The following HCN1 variants were observed in gnomAD, a reference collection of about 807,000 sequenced individuals.
HCN1 encodes the protein hyperpolarization activated cyclic nucleotide gated potassium channel 1.
Under a neutral mutation model 78.9 loss-of-function variants are expected in HCN1, and 13 were observed. The observed-to-expected ratio is 0.16, with a 90% CI of 0.11 to 0.26. The LOEUF is 0.26. Ranked by LOEUF, HCN1 falls within the 10% of genes least tolerant of loss-of-function variation. HCN1 has a pLI of 1.00. For missense variants in HCN1, 810 were observed against 1,154.3 expected (o/e 0.70, Z 4.32); for synonymous variants, 552 against 455.5 (o/e 1.21, Z -2.70).
At chr5:45,481,356 C>G (rs1324216058) in intron 2 of HCN1, among the ~76,000 whole-genome samples, 1 of 152,150 alleles carries the variant, frequency 6.6e-6, no homozygotes, top group African/African-American at 2.4e-5. Flanking sequence ...TGGTTTCAAA[C>G]TAGATATGAA....
rs567361397 is a variant in HCN1 at position 45,291,134 on chromosome 5, C to A, written c.1618+12465G>T. Among the ~76,000 whole-genome samples the A allele has an allele frequency of 3.4e-4, 52 of 152,098 alleles. No individual in the cohort carries two copies. The South Asian group carries it at 0.011, about 31-fold the overall frequency. Reference sequence around the variant, plus strand: ...GACTTTGTTATCACCAATAGCTTAACTAATTCCAAAACCTCTATACAGATC... The same window carrying A: ...GACTTTGTTATCACCAATAGCTTAAATAATTCCAAAACCTCTATACAGATC... On this transcript the variant is annotated intron_variant, in intron 6 of 7. Coordinates refer to ENST00000303230, the MANE Select transcript of HCN1 (RefSeq NM_021072.4).
At chr5:45,372,279 A>G (rs866962898) in intron 4 of HCN1, among the ~76,000 whole-genome samples, 1 of 92,222 alleles carries the variant, frequency 1.1e-5, no homozygotes, top group Non-Finnish European at 1.9e-5. Flanking sequence ...ATTTATATAT[A>G]TAATATATAT....
intron 5 of HCN1, among the ~76,000 whole-genome samples, chr5:45,307,183 T>C (rs1375976855): frequency 6.6e-6 from 1 of 152,022 alleles, no homozygotes; most frequent in Non-Finnish European, 1.5e-5. Flanking sequence ...ATAAAATAAA[T>C]AACCAAGATC....
At chr5:45,646,171 A>C (rs948935870) in intron 1 of HCN1, among the ~76,000 whole-genome samples, 4 of 152,112 alleles carry the variant, frequency 2.6e-5, no homozygotes, top group African/African-American at 4.8e-5. Context: ...CAGTACTCCA[A>C]ATATTTTATG....
intron 2 of HCN1, among the ~76,000 whole-genome samples, chr5:45,583,623 G>A (rs1185513614): frequency 6.6e-6 from 1 of 152,110 alleles, no homozygotes; most frequent in Non-Finnish European, 1.5e-5. Flanking sequence ...ATGTTAGGGT[G>A]TCAATTTTGG....
intron 2 of HCN1, among the ~76,000 whole-genome samples, chr5:45,566,195 T>G (rs2111891853): frequency 6.6e-6 from 1 of 152,316 alleles, no homozygotes; most frequent in South Asian, 2.1e-4. Flanking sequence ...TAATACCACC[T>G]TAATTATATG....
intron 5 of HCN1, among the ~76,000 whole-genome samples, chr5:45,320,472 A>G (rs952663701): frequency 5.9e-5 from 9 of 151,860 alleles, no homozygotes; most frequent in African/African-American, 2.2e-4. Flanking sequence ...TAAATGTTTT[A>G]CAAATATTAA....
chr5:45,267,018 A>T, intron 7 of HCN1, 71 bp downstream of exon 7: 1 of 1,309,688 alleles, frequency 7.6e-7, no homozygotes, highest in Non-Finnish European at 1.1e-6. Context: ...TGCATTTGGG[A>T]CTTATAATTG....
At chr5:45,582,540 A>G (rs756539146) in intron 2 of HCN1, among the ~76,000 whole-genome samples, 9 of 152,130 alleles carry the variant, frequency 5.9e-5, no homozygotes, top group Non-Finnish European at 1.3e-4. Flanking sequence ...TGCCCTGGCC[A>G]GAACTTCCAA....
intron 4 of HCN1, among the ~76,000 whole-genome samples, chr5:45,362,305 A>G (rs1450287628): frequency 6.6e-6 from 1 of 152,002 alleles, no homozygotes; most frequent in Non-Finnish European, 1.5e-5. Flanking sequence ...GACCATTTAA[A>G]GCATTTTATG....
chr5:45,311,185 C>T (rs1352786793), intron 5 of HCN1, among the ~76,000 whole-genome samples: 1 of 152,200 alleles, frequency 6.6e-6, no homozygotes, highest in African/African-American at 2.4e-5. Flanking sequence ...GTTAAAAAAT[C>T]TATAATTATT....
rs555391159 is a variant in HCN1, at chr5:45,363,802, A to G, written c.1231-10556T>C. Among the ~76,000 whole-genome samples, 47 of 152,120 alleles carry G rather than the reference A, an allele frequency of 3.1e-4. No homozygotes were observed. In the East Asian group the frequency reaches 3.9e-3, roughly 13 times the overall value. On this transcript the variant is annotated intron_variant, in intron 4 of 7. Coordinates refer to ENST00000303230, the MANE Select transcript of HCN1 (RefSeq NM_021072.4). ...CATTTTCTTTTGCTGTCGCCAAATAAGAAGTGCCTTTCTCCTCCTGCCATG... is the reference window on the plus strand; with the variant it reads ...CATTTTCTTTTGCTGTCGCCAAATAGGAAGTGCCTTTCTCCTCCTGCCATG...
chr5:45,320,176 A>G (rs1746095145), intron 5 of HCN1, among the ~76,000 whole-genome samples: 2 of 151,880 alleles, frequency 1.3e-5, no homozygotes, highest in Admixed American at 1.3e-4. Flanking sequence ...TTAGACATTC[A>G]AAAGACATCC....
intron 2 of HCN1, among the ~76,000 whole-genome samples, chr5:45,606,344 A>C (rs1226849570): frequency 6.6e-6 from 1 of 151,990 alleles, no homozygotes; most frequent in Non-Finnish European, 1.5e-5. Flanking sequence ...GTCTAAGCTG[A>C]TGTAAAACAA....
chr5:45,525,527 C>G (rs1422621776), intron 2 of HCN1, among the ~76,000 whole-genome samples: 2 of 151,330 alleles, frequency 1.3e-5, no homozygotes, highest in African/African-American at 4.8e-5. Flanking sequence ...CTGTACAAAT[C>G]CAATTGCTTC....
At chr5:45,535,472 C>T (rs1742946581) in intron 2 of HCN1, among the ~76,000 whole-genome samples, 1 of 151,994 alleles carries the variant, frequency 6.6e-6, no homozygotes, top group South Asian at 2.1e-4. Flanking sequence ...GTGGTGGGTA[C>T]CTGTAATCCC....
chr5:45,490,640 T>C (rs1303251335), intron 2 of HCN1, among the ~76,000 whole-genome samples: 4 of 152,166 alleles, frequency 2.6e-5, no homozygotes, highest in African/African-American at 4.8e-5. Context: ...TGACCAACTT[T>C]TCTTATGATT....
intron 5 of HCN1, among the ~76,000 whole-genome samples, chr5:45,325,485 A>C (rs1192853666): frequency 1.3e-5 from 2 of 151,778 alleles, no homozygotes; most frequent in Non-Finnish European, 2.9e-5. Context: ...CATATAACTC[A>C]TAATAAAGCT....
chr5:45,695,749 C>G lies in HCN1; in HGVS notation c.345G>C (p.Gly115=). 6.2e-7 allele frequency: 1 copy of G among 1,612,542 alleles called. No homozygotes were observed. The highest frequency in any genetic ancestry group is 8.5e-7 in the Non-Finnish European group (1 of 1,179,728). Residue 115 remains glycine (G), a synonymous_variant, in exon 1 of 8, where the codon GGG becomes GGC. Coordinates refer to ENST00000303230, the MANE Select transcript of HCN1 (RefSeq NM_021072.4). ...GCTCCTTTTCCACCGCCTTCTGGCTCCCAAACATGCGGAGGGAGAATTTGT... is the reference window on the plus strand; with the variant it reads ...GCTCCTTTTCCACCGCCTTCTGGCTGCCAAACATGCGGAGGGAGAATTTGT... ...GVNKFSLRMF[G]SQKAVEKEQE...
Sources: gnomAD v4.1 joint callset for allele counts (sites outside exome capture counted in the v4.1 genomes callset) on GRCh38, gnomAD v4.1.1 for gene constraint, MANE v1.5 for transcripts, NCBI Gene and HGNC (gene_info 2026-07-23, HGNC 2026-07-21) for gene names.